The following KIF7 variants were observed in gnomAD, a reference collection of about 807,000 sequenced individuals.
KIF7 encodes the protein kinesin-like protein KIF7.
In KIF7, 104 loss-of-function variants were observed where a neutral mutation model predicts 135.7. The ratio of observed to expected loss-of-function variants is 0.77; its 90% CI spans 0.65 to 0.90. The LOEUF is 0.90. Ranked by LOEUF, KIF7 falls within the 40% of genes least tolerant of loss-of-function variation. The pLI is 0.00. For synonymous variants in KIF7, 883 were observed against 809.4 expected (o/e 1.09, Z -1.54); for missense variants, 2,005 against 1,839.1 (o/e 1.09, Z -1.65).
intron 16 of KIF7, 88 bp downstream of exon 16, chr15:89,630,199 C>G (rs913157453): frequency 8.0e-7 from 1 of 1,247,144 alleles, no homozygotes. Context: ...TGGGAGGAAA[C>G]GGGATATCCG....
intron 11 of KIF7, among the ~76,000 whole-genome samples, chr15:89,635,277 CCTT>C (rs1963781448): frequency 6.6e-6 from 1 of 152,242 alleles, no homozygotes; most frequent in South Asian, 2.1e-4. Context: ...CGCCTCTCCT[CCTT>C]TAAAGGAACG....
At chr15:89,635,722 G>T (rs937614710) in intron 11 of KIF7, among the ~76,000 whole-genome samples, 7 of 152,168 alleles carry the variant, frequency 4.6e-5, no homozygotes, top group South Asian at 2.1e-4. Context: ...GAAAGTGACG[G>T]GGAGAATGGA....
chr15:89,630,257 G>C, intron 16 of KIF7, 30 bp downstream of exon 16: 2 of 1,606,878 alleles, frequency 1.2e-6, no homozygotes, highest in Non-Finnish European at 1.7e-6. Context: ...CGCTGAGGAG[G>C]AGCTGGGGGG....
chr15:89,630,599 TC>T, intron 15 of KIF7, 106 bp from the exon 16 acceptor site: 1 of 945,312 alleles, frequency 1.1e-6, no homozygotes, highest in Non-Finnish European at 1.6e-6. Context: ...GCCTTAAGGG[TC>T]CCCTCGTCCC....
Position 89,649,298 on chromosome 15 carries a change from T to C in KIF7, c.599A>G (p.Asn200Ser), listed in dbSNP as rs977482531. ...CGTGGCTCCCGTGTGCCGCGCCGCGTTGCCCATCTCCAGGAGGCTCAGCAC... is the reference window on the plus strand; with the variant it reads ...CGTGGCTCCCGTGTGCCGCGCCGCGCTGCCCATCTCCAGGAGGCTCAGCAC... ...DEVLSLLEMGNAARHTGATHL... is the reference protein window; with the variant it reads ...DEVLSLLEMGSAARHTGATHL... The change falls in exon 4 of 19, where the codon AAC (asparagine) becomes AGC (serine). Residue 200 changes from asparagine to serine, a missense_variant. Coordinates refer to ENST00000394412, the MANE Select transcript of KIF7 (RefSeq NM_198525.3). The C allele has an allele frequency of 4.0e-6, 6 of 1,495,492 alleles. No individual in the cohort carries two copies. Among genetic ancestry groups the C allele is most frequent in the South Asian group, 1.3e-5 (1 of 75,530 alleles). 92.6% of individuals were successfully genotyped at this position (1,495,492 alleles called of 1,614,324 possible).
At chr15:89,630,718 CCT>C in intron 15 of KIF7, 2 of 599,024 alleles carry the variant, frequency 3.3e-6, no homozygotes, top group Non-Finnish European at 6.0e-6. Flanking sequence ...CAACTGCAAG[CCT>C]CTGTGAATGA....
chr15:89,662,220 G>C, the KIF7 span, among the ~76,000 whole-genome samples: 1 of 152,144 alleles, frequency 6.6e-6, no homozygotes, highest in Non-Finnish European at 1.5e-5. Context: ...AGGAAGGCCA[G>C]GCATGGTGGT....
At chr15:89,626,601 G>T (rs368869127), downstream of KIF7, among the ~76,000 whole-genome samples, 73 of 152,260 alleles carry the variant, frequency 4.8e-4, 1 homozygote, top group South Asian at 0.014. Flanking sequence ...AGTGCAGGAG[G>T]AGGGGGCCTT....
At chr15:89,626,375 A>T (rs999089895), downstream of KIF7, among the ~76,000 whole-genome samples, 1 of 152,228 alleles carries the variant, frequency 6.6e-6, no homozygotes, top group African/African-American at 2.4e-5. Flanking sequence ...TCTGAGCAGC[A>T]CGAGTGATAG....
intron 15 of KIF7, 32 bp downstream of exon 15, chr15:89,631,463 C>T (rs767168947): frequency 2.6e-6 from 4 of 1,533,028 alleles, no homozygotes; most frequent in South Asian, 1.2e-5. Context: ...TACAATGGCA[C>T]CAAGGGGCTG....
At chr15:89,635,467 C>A (rs1963786344) in intron 11 of KIF7, among the ~76,000 whole-genome samples, 1 of 152,158 alleles carries the variant, frequency 6.6e-6, no homozygotes, top group African/African-American at 2.4e-5. Flanking sequence ...ATAACCAATA[C>A]AGAGGAGTGC....
chr15:89,651,453 C>T (rs1463880906), intron 2 of KIF7, among the ~76,000 whole-genome samples: 1 of 151,702 alleles, frequency 6.6e-6, no homozygotes, highest in Admixed American at 6.6e-5. Flanking sequence ...AGGCTGGTCT[C>T]GAACTCCTGA....
chr15:89,635,886 C>G (rs551704202), intron 11 of KIF7, among the ~76,000 whole-genome samples: 1 of 152,060 alleles, frequency 6.6e-6, no homozygotes, highest in South Asian at 2.1e-4. Flanking sequence ...TCAGATTCAC[C>G]AAAGTTGAAA....
chr15:89,646,076 C>G, intron 7 of KIF7, 50 bp from the exon 8 acceptor site: 1 of 1,609,102 alleles, frequency 6.2e-7, no homozygotes, highest in Non-Finnish European at 8.5e-7. Flanking sequence ...CTGCGATATA[C>G]CCCACCTTGC....
At chr15:89,653,496 C>A (rs79802773) in intron 1 of KIF7, among the ~76,000 whole-genome samples, 2,906 of 152,326 alleles carry the variant, frequency 0.019, 99 homozygotes, top group African/African-American at 0.066. Flanking sequence ...GTCCTGGCCA[C>A]TGACATCGTG....
chr15:89,647,390 A>G (rs1269290169), intron 6 of KIF7, among the ~76,000 whole-genome samples: 1 of 151,924 alleles, frequency 6.6e-6, no homozygotes, highest in African/African-American at 2.4e-5. Context: ...CCACCCAGCA[A>G]AGCTGCCCTG....
chr15:89,624,790 G>A, downstream of KIF7: 1 of 1,614,238 alleles, frequency 6.2e-7, no homozygotes, highest in South Asian at 1.1e-5. Flanking sequence ...GCTAAGGACA[G>A]CAGATGCTGA....
At chr15:89,635,905 A>G (rs1320279957) in intron 11 of KIF7, among the ~76,000 whole-genome samples, 1 of 152,098 alleles carries the variant, frequency 6.6e-6, no homozygotes, top group Admixed American at 6.5e-5. Flanking sequence ...AATGAAGGAA[A>G]AAATGTTAAG....
chr15:89,647,602 T>A lies in KIF7; in HGVS notation c.1554A>T (p.Lys518Asn). 6.2e-7 allele frequency: 1 copy of A among 1,611,656 alleles called. No homozygotes were observed. Among genetic ancestry groups the A allele is most frequent in the East Asian group, 2.2e-5 (1 of 44,868 alleles). Residue 518 changes from lysine to asparagine, a missense_variant, in exon 6 of 19, where the codon AAA becomes AAT. Physicochemically the swap from Lys to Asn is moderately conservative, Grantham distance 94. Coordinates refer to ENST00000394412, the MANE Select transcript of KIF7 (RefSeq NM_198525.3). ...AALEDAMEQY[K>N]LQSDRLREQQ... Reference sequence around the variant, plus strand: ...TGTGAAGCGGGCGCCGCACCTGCAGTTTGTACTGCTCCATGGCGTCCTCCA... The same window carrying A: ...TGTGAAGCGGGCGCCGCACCTGCAGATTGTACTGCTCCATGGCGTCCTCCA...
Sources: gnomAD v4.1 joint callset for allele counts (sites outside exome capture counted in the v4.1 genomes callset) on GRCh38, gnomAD v4.1.1 for gene constraint, MANE v1.5 for transcripts, NCBI Gene and HGNC (gene_info 2026-07-23, HGNC 2026-07-21) for gene names.